The following ZNF423 variants were observed in gnomAD, a reference collection of about 807,000 sequenced individuals.
ZNF423 encodes the protein zinc finger protein 423, also known as Ebf-associated zinc finger protein.
Under a neutral mutation model 95.8 loss-of-function variants are expected in ZNF423, and 12 were observed. That is an observed-to-expected ratio of 0.13 (90% CI 0.08 to 0.20). The LOEUF (loss-of-function observed/expected upper bound fraction) is 0.20, where lower values mean the gene tolerates loss of function less well. Ranked by LOEUF, ZNF423 falls within the 10% of genes least tolerant of loss-of-function variation. ZNF423 has a pLI of 1.00. For synonymous variants in ZNF423, 749 were observed against 711.9 expected (o/e 1.05, Z -0.83); for missense variants, 1,316 against 1,737.1 (o/e 0.76, Z 4.31).
Position 49,635,879 on chromosome 16 carries a change from G to T in ZNF423, c.3297C>A (p.Leu1099=). Residue 1099 remains leucine, a synonymous_variant, in exon 4 of 8, where the codon CTC becomes CTA. Coordinates refer to ENST00000563137, the MANE Select transcript of ZNF423 (RefSeq NM_001379286.1). This position sits in a 1 kb window ranked among gnomAD's most constrained non-coding sequence, Gnocchi z 4.8. ...KLDVNGLPYG[L]CAGCMARSAN... is the part of the protein sequence containing the mutation. ...CGCTGCGGGCCATGCAGCCGGCGCA[G>T]AGGCCGTAGGGCAGCCCATTGACGT... The T allele has an allele frequency of 6.3e-7, 1 of 1,583,498 alleles. No homozygotes were observed. The highest frequency in any genetic ancestry group is 8.6e-7 in the Non-Finnish European group (1 of 1,167,404).
chr16:49,792,759 G>A (rs1407263836), intron 1 of ZNF423, among the ~76,000 whole-genome samples: 1 of 152,088 alleles, frequency 6.6e-6, no homozygotes, highest in East Asian at 1.9e-4. Flanking sequence ...ACAGAATATG[G>A]GCTAGAGGAT....
chr16:49,779,805 C>T (rs982543727), intron 2 of ZNF423, among the ~76,000 whole-genome samples: 2 of 152,120 alleles, frequency 1.3e-5, no homozygotes, highest in African/African-American at 4.8e-5. Context: ...CAGGGAGCAC[C>T]CCAGCTTTGG....
At chr16:49,592,099 G>C (rs1378351905) in intron 5 of ZNF423, among the ~76,000 whole-genome samples, 1 of 152,196 alleles carries the variant, frequency 6.6e-6, no homozygotes, top group African/African-American at 2.4e-5. Context: ...TTTTGCAGTT[G>C]CTTTTAATTT....
At chr16:49,596,887 G>T (rs1413412052) in intron 5 of ZNF423, among the ~76,000 whole-genome samples, 1 of 152,228 alleles carries the variant, frequency 6.6e-6, no homozygotes, top group African/African-American at 2.4e-5. Context: ...ATATGGCAGG[G>T]CCACACGCCA....
intron 2 of ZNF423, among the ~76,000 whole-genome samples, chr16:49,774,644 A>G (rs929364354): frequency 7.9e-5 from 12 of 152,170 alleles, no homozygotes; most frequent in African/African-American, 2.7e-4. Context: ...GCAATCATCC[A>G]GTAAGAAGTA....
chr16:49,661,485 G>A (rs998234330), intron 3 of ZNF423, among the ~76,000 whole-genome samples: 1 of 152,242 alleles, frequency 6.6e-6, no homozygotes, highest in African/African-American at 2.4e-5. Flanking sequence ...CAGCCAAGCA[G>A]TGCCCTTGTA....
intron 1 of ZNF423, among the ~76,000 whole-genome samples, chr16:49,842,648 A>AT (rs980469063): frequency 8.5e-5 from 13 of 152,180 alleles, no homozygotes; most frequent in Admixed American, 8.5e-4. Context: ...ACAATGTGCC[A>AT]TTTTTTGCCT....
intron 2 of ZNF423, among the ~76,000 whole-genome samples, chr16:49,733,582 T>G (rs534531617): frequency 8.5e-5 from 13 of 152,318 alleles, no homozygotes; most frequent in Admixed American, 1.3e-4. Flanking sequence ...TTTAAGCAAC[T>G]GTCACCTCCC....
At chr16:49,658,258 A>T (rs1243039097) in intron 3 of ZNF423, among the ~76,000 whole-genome samples, 1 of 152,138 alleles carries the variant, frequency 6.6e-6, no homozygotes, top group East Asian at 1.9e-4. Flanking sequence ...GCGCACCTTC[A>T]TAGCTGCTGT....
chr16:49,694,327 G>A (rs1267109001), intron 3 of ZNF423, among the ~76,000 whole-genome samples: 2 of 152,174 alleles, frequency 1.3e-5, no homozygotes, highest in East Asian at 3.9e-4. Flanking sequence ...CAGATGTGTG[G>A]CGGGCTGAAT....
At chr16:49,515,464 G>C (rs1968094815) in intron 7 of ZNF423, among the ~76,000 whole-genome samples, 1 of 152,236 alleles carries the variant, frequency 6.6e-6, no homozygotes, top group African/African-American at 2.4e-5. Flanking sequence ...TGGTGGCAAA[G>C]ACAATCCAGC....
At chr16:49,719,075 G>A (rs1237935420) in intron 3 of ZNF423, among the ~76,000 whole-genome samples, 2 of 152,306 alleles carry the variant, frequency 1.3e-5, no homozygotes, top group East Asian at 1.9e-4. Flanking sequence ...AACCGAGATT[G>A]ATTACTCAGG....
At chr16:49,845,607 C>T (rs1408719164) in intron 1 of ZNF423, among the ~76,000 whole-genome samples, 1 of 152,084 alleles carries the variant, frequency 6.6e-6, no homozygotes, top group Admixed American at 6.5e-5. Flanking sequence ...GTGGCATGAT[C>T]ATGGCTCACC....
chr16:49,783,968 CA>C (rs57994963), intron 2 of ZNF423, among the ~76,000 whole-genome samples: 21,432 of 87,630 alleles, frequency 0.24, 1,535 homozygotes, highest in East Asian at 0.33. Context: ...GACTCCAACT[CA>C]AAAAAAAAAA....
intron 1 of ZNF423, among the ~76,000 whole-genome samples, chr16:49,824,122 G>A (rs989197248): frequency 6.6e-6 from 1 of 152,030 alleles, no homozygotes; most frequent in African/African-American, 2.4e-5. Flanking sequence ...TTCTCATCTA[G>A]GGTTTAGATT....
intron 5 of ZNF423, 98 bp from the exon 6 acceptor site, chr16:49,525,592 C>T: frequency 6.5e-7 from 1 of 1,535,766 alleles, no homozygotes; most frequent in Non-Finnish European, 8.8e-7. Context: ...TAACCCCCCT[C>T]CAATCCCCAG....
rs746868124 is a variant in ZNF423, at chr16:49,636,393, C to T, written c.2783G>A (p.Arg928His). Residue 928 changes from arginine to histidine, a missense_variant, in exon 4 of 8, where the codon CGC becomes CAC. By Grantham distance (29) the Arg-to-His change is conservative. Transcript: ENST00000563137. The surrounding 1 kb of genome is among the most constrained non-coding windows in gnomAD (Gnocchi z 8.6). Reference protein sequence around the residue: ...NIRPGEDDGSRKKAEFIKGSH... With the variant: ...NIRPGEDDGSHKKAEFIKGSH... ...GCCCTTGATAAACTCAGCCTTCTTG[C>T]GTGAGCCATCATCCTCGCCCGGCCG... 17 of 1,613,214 alleles carry T rather than the reference C, an allele frequency of 1.1e-5. No individual in the cohort carries two copies. Among genetic ancestry groups the T allele is most frequent in the South Asian group, 8.8e-5 (8 of 91,080 alleles).
chr16:49,760,200 G>A (rs1282669715), intron 2 of ZNF423, among the ~76,000 whole-genome samples: 1 of 135,536 alleles, frequency 7.4e-6, no homozygotes, highest in African/African-American at 2.8e-5. Context: ...GGGGATGAAT[G>A]GGTAGATGAG....
At chr16:49,505,052 G>T (rs7184318) in intron 7 of ZNF423, among the ~76,000 whole-genome samples, 8,908 of 152,246 alleles carry the variant, frequency 0.059, 404 homozygotes, top group African/African-American at 0.13. Flanking sequence ...GACATGTTTT[G>T]CCAGGTTGGA....
Sources: gnomAD v4.1 joint callset for allele counts (sites outside exome capture counted in the v4.1 genomes callset) on GRCh38, gnomAD v4.1.1 for gene constraint, Gnocchi (gnomAD v3.1) non-coding constraint, MANE v1.5 for transcripts, NCBI Gene and HGNC (gene_info 2026-07-23, HGNC 2026-07-21) for gene names.